The following SHROOM3 variants were observed in gnomAD, a reference collection of about 807,000 sequenced individuals.
The protein encoded by SHROOM3 is protein Shroom3.
SHROOM3 carries 47 observed loss-of-function variants against 138.6 expected under a neutral mutation model. That is an observed-to-expected ratio of 0.34 (90% confidence interval 0.27 to 0.43). The LOEUF is 0.43. SHROOM3 is among the 20% of genes least tolerant of loss of function. The pLI, the probability that SHROOM3 is intolerant of heterozygous loss-of-function variation, is 1.00. For missense variants in SHROOM3, 2,491 were observed against 2,596.5 expected (o/e 0.96, Z 0.88); for synonymous variants, 1,062 against 1,063.3 (o/e 1.00, Z 0.02).
intron 1 of SHROOM3, among the ~76,000 whole-genome samples, chr4:76,504,417 C>T (rs1732163861): frequency 6.6e-6 from 1 of 152,170 alleles, no homozygotes; most frequent in Admixed American, 6.5e-5. Context: ...CCTCGGCCTC[C>T]CAAAGTGCTG....
chr4:76,594,254 T>G (rs1359773181), intron 2 of SHROOM3, among the ~76,000 whole-genome samples: 1 of 152,214 alleles, frequency 6.6e-6, no homozygotes, highest in African/African-American at 2.4e-5. Context: ...GTTGTAGCTC[T>G]CCTGTTGATT....
At chr4:76,631,297 C>T (rs1412681658) in intron 2 of SHROOM3, among the ~76,000 whole-genome samples, 1 of 148,178 alleles carries the variant, frequency 6.7e-6, no homozygotes, top group Non-Finnish European at 1.5e-5. Flanking sequence ...AAACCTCTAC[C>T]TCTGGGTTCA....
At chr4:76,734,347 A>G (rs1720967812) in intron 4 of SHROOM3, among the ~76,000 whole-genome samples, 1 of 152,254 alleles carries the variant, frequency 6.6e-6, no homozygotes, top group Non-Finnish European at 1.5e-5. Context: ...ACAATAGTTT[A>G]TAAAAGACTC....
At position 76,555,736 on chromosome 4, in the gene SHROOM3, A is replaced by C. The variant is rs367678023; in HGVS notation, c.296A>C (p.Tyr99Ser). ...KEAVSLVKGSYKTLRLVVRRD... is the reference protein window; with the variant it reads ...KEAVSLVKGSSKTLRLVVRRD... ...GCAGTTTCCCTGGTGAAAGGATCCT[A>C]CAAGACCCTCAGGCTGGTAGTGCGC... The change falls in exon 2 of 11, where the codon TAC becomes TCC. Residue 99 changes from tyrosine (Y) to serine (S), a missense_variant. By Grantham distance (144) the Tyr-to-Ser change is moderately radical. Around this residue, in one of 4 missense-constraint regions of SHROOM3, gnomAD observed 284 missense variants for 322.8 expected, o/e 0.88. Transcript: ENST00000296043. 11 of 1,613,582 alleles carry C rather than the reference A, an allele frequency of 6.8e-6. No homozygotes were observed. The highest frequency in any genetic ancestry group is 1.6e-4 in the Middle Eastern group (1 of 6,068).
At chr4:76,511,411 C>A (rs1212976987) in intron 1 of SHROOM3, among the ~76,000 whole-genome samples, 1 of 152,024 alleles carries the variant, frequency 6.6e-6, no homozygotes, top group Non-Finnish European at 1.5e-5. Flanking sequence ...GTTTAATGTC[C>A]CTAGAATTAT....
intron 2 of SHROOM3, among the ~76,000 whole-genome samples, chr4:76,680,661 T>G (rs976677845): frequency 3.9e-5 from 6 of 152,326 alleles, no homozygotes; most frequent in Middle Eastern, 3.4e-3. Flanking sequence ...GTGCTTCATA[T>G]AAAGTATTAC....
chr4:76,781,485 T>C lies in SHROOM3; in HGVS notation c.*2308T>C, dbSNP rs1722736481. 1 of 152,218 alleles carries C rather than the reference T, an allele frequency of 6.6e-6. No individual in the cohort carries two copies. The highest frequency in any genetic ancestry group is 6.5e-5 in the Admixed American group (1 of 15,284). 9.4% of individuals were successfully genotyped at this position (152,218 alleles called of 1,614,324 possible). A position where few individuals can be genotyped will look rare whatever the true frequency, so the allele number is the denominator to read the frequency against. ...ACTCCCACAGCACAGTAACAGGCAA[T>C]GCTGCTTGGCATGCCACAAACATCT... On this transcript the variant is annotated 3_prime_UTR_variant, in exon 11 of 11. Transcript: ENST00000296043.
chr4:76,463,015 C>T (rs976506409), intron 1 of SHROOM3, among the ~76,000 whole-genome samples: 8 of 152,078 alleles, frequency 5.3e-5, no homozygotes, highest in African/African-American at 1.4e-4. Flanking sequence ...AGTGTGGCAT[C>T]GTCTTTGGAA....
intron 2 of SHROOM3, among the ~76,000 whole-genome samples, chr4:76,560,927 GTGGGTA>G (rs899300585): frequency 1.5e-4 from 23 of 152,304 alleles, no homozygotes; most frequent in African/African-American, 5.5e-4. Flanking sequence ...TAAGAATCAT[GTGGGTA>G]TGGTATTTAG....
At chr4:76,442,835 C>T (rs944876138) in intron 1 of SHROOM3, among the ~76,000 whole-genome samples, 5 of 151,854 alleles carry the variant, frequency 3.3e-5, no homozygotes, top group Admixed American at 6.6e-5. Context: ...TCCTCCTTTT[C>T]TTTTTATTAT....
At chr4:76,547,384 AT>A (rs1264164367) in intron 1 of SHROOM3, among the ~76,000 whole-genome samples, 2 of 152,070 alleles carry the variant, frequency 1.3e-5, no homozygotes, top group Non-Finnish European at 2.9e-5. Flanking sequence ...AAATACAATT[AT>A]AATAACCTTA....
chr4:76,466,008 A>G (rs1380636863), intron 1 of SHROOM3, among the ~76,000 whole-genome samples: 1 of 152,198 alleles, frequency 6.6e-6, no homozygotes, highest in Non-Finnish European at 1.5e-5. Flanking sequence ...TGAGGACAAT[A>G]ACCAAGAACC....
In SHROOM3 at chr4:76,779,140, T is replaced by G; in HGVS notation, c.5954T>G (p.Phe1985Cys). The change falls in exon 11 of 11, where the codon TTC (phenylalanine) becomes TGC (cysteine). Residue 1985 changes from phenylalanine (F) to cysteine (C), a missense_variant. By Grantham distance (205) the Phe-to-Cys change is radical. Coordinates refer to ENST00000296043, the MANE Select transcript of SHROOM3 (RefSeq NM_020859.4). ...SEPIPAGGCTFSGIFPTLTSP... is the reference protein window; with the variant it reads ...SEPIPAGGCTCSGIFPTLTSP... ...CCCATTCCTGCTGGGGGCTGTACTTTCAGTGGTATTTTCCCAACATTAACC... is the reference window on the plus strand; with the variant it reads ...CCCATTCCTGCTGGGGGCTGTACTTGCAGTGGTATTTTCCCAACATTAACC... 1 of 1,613,610 alleles carries G rather than the reference T, an allele frequency of 6.2e-7. No individual in the cohort carries two copies. The highest frequency in any genetic ancestry group is 1.7e-5 in the Admixed American group (1 of 59,988).
chr4:76,519,886 G>A (rs1732527055), intron 1 of SHROOM3, among the ~76,000 whole-genome samples: 1 of 152,196 alleles, frequency 6.6e-6, no homozygotes, highest in Admixed American at 6.5e-5. Context: ...TGTGAGGTGT[G>A]AGGTGTGACA....
At chr4:76,440,084 A>T (rs980492624) in intron 1 of SHROOM3, among the ~76,000 whole-genome samples, 14 of 152,188 alleles carry the variant, frequency 9.2e-5, no homozygotes, top group African/African-American at 2.2e-4. Flanking sequence ...TGCAGAAGAG[A>T]TGCACCTGCT....
intron 1 of SHROOM3, among the ~76,000 whole-genome samples, chr4:76,525,492 T>A (rs753467767): frequency 2.0e-5 from 3 of 152,220 alleles, no homozygotes; most frequent in Admixed American, 6.5e-5. Flanking sequence ...TTACTATTTC[T>A]TTTAATCTTA....
intron 2 of SHROOM3, among the ~76,000 whole-genome samples, chr4:76,691,202 GA>G (rs1265116986): frequency 6.6e-6 from 1 of 152,170 alleles, no homozygotes; most frequent in Non-Finnish European, 1.5e-5. Context: ...AAACCCTGGA[GA>G]AGGTTACCAA....
chr4:76,756,399 C>T (rs1560616967), intron 7 of SHROOM3, 50 bp from the exon 8 acceptor site: 1 of 1,470,772 alleles, frequency 6.8e-7, no homozygotes, highest in Non-Finnish European at 9.3e-7. Flanking sequence ...TCTTATCACT[C>T]TCTCTTTCTC....
rs1734110400 is a variant in SHROOM3 at position 76,584,421 on chromosome 4, C to T, written c.323+28658C>T. Among the ~76,000 whole-genome samples, 4 of 152,014 alleles carry T rather than the reference C, an allele frequency of 2.6e-5. 1 individual carries two copies. Among genetic ancestry groups the T allele is most frequent in the Admixed American group, 2.6e-4 (4 of 15,260 alleles). On this transcript the variant is annotated intron_variant, in intron 2 of 10. Coordinates refer to ENST00000296043, the MANE Select transcript of SHROOM3 (RefSeq NM_020859.4). The stretch of plus-strand genomic sequence containing the variant: ...TACACAGTTCCCTGAGCCAACACAA[C>T]CTGTTGAGGATGTTGTCACAGAGAA...
Sources: gnomAD v4.1 joint callset for allele counts (sites outside exome capture counted in the v4.1 genomes callset) on GRCh38, gnomAD v4.1.1 for gene constraint, gnomAD v4.1.1 regional missense constraint, MANE v1.5 for transcripts, NCBI Gene and HGNC (gene_info 2026-07-23, HGNC 2026-07-21) for gene names.